Variants in SYMPK observed in about 807,000 individuals in gnomAD.
The protein encoded by SYMPK is symplekin.
A neutral mutation model predicts 136.4 loss-of-function variants in SYMPK; 49 were observed. That is an observed-to-expected ratio of 0.36 (90% confidence interval 0.29 to 0.46). SYMPK has a LOEUF of 0.46. Ranked by LOEUF, SYMPK falls within the 20% of genes least tolerant of loss-of-function variation. The pLI is 1.00. For synonymous variants in SYMPK, 766 were observed against 713.0 expected (o/e 1.07, Z -1.19); for missense variants, 1,365 against 1,690.0 (o/e 0.81, Z 3.37).
At chr19:45,841,604 T>G (rs1384657445) in intron 9 of SYMPK, among the ~76,000 whole-genome samples, 1 of 152,128 alleles carries the variant, frequency 6.6e-6, no homozygotes, top group Non-Finnish European at 1.5e-5. Flanking sequence ...AATTCCTTAT[T>G]TTTTAAAATG....
At chr19:45,852,413 A>G in intron 4 of SYMPK, 28 bp from the exon 5 acceptor site, 1 of 1,613,944 alleles carries the variant, frequency 6.2e-7, no homozygotes, top group Non-Finnish European at 8.5e-7. Context: ...AAAGTGGATC[A>G]GGGCTACACA....
rs763937545 is a variant in SYMPK, at chr19:45,815,835, A to T, written c.3687+16T>A. The T allele has an allele frequency of 8.7e-6, 14 of 1,609,626 alleles. No individual in the cohort carries two copies. The highest frequency in any genetic ancestry group is 1.2e-5 in the Non-Finnish European group (14 of 1,178,634). Reference sequence around the variant, plus strand: ...GATCCGGCTTCTTCCTTCGCAGCGGAGGCTGCTCTCCCTACCTTGGGTAGG... The same window carrying T: ...GATCCGGCTTCTTCCTTCGCAGCGGTGGCTGCTCTCCCTACCTTGGGTAGG... On this transcript the variant is annotated intron_variant, in intron 26 of 26. Coordinates refer to ENST00000245934, the MANE Select transcript of SYMPK (RefSeq NM_004819.3).
chr19:45,839,237 C>T (rs1971379626), intron 9 of SYMPK, among the ~76,000 whole-genome samples: 1 of 152,100 alleles, frequency 6.6e-6, no homozygotes, highest in African/African-American at 2.4e-5. Context: ...CAAGAATGTA[C>T]ACTCGGTACC....
intron 14 of SYMPK, 82 bp from the exon 15 acceptor site, chr19:45,828,000 G>C: frequency 7.8e-7 from 1 of 1,289,170 alleles, no homozygotes; most frequent in Non-Finnish European, 1.1e-6. Context: ...TAGGAGCTCA[G>C]GGCCAGCAGG....
chr19:45,862,533 A>AAG (rs1173186413), intron 1 of SYMPK: 1 of 152,508 alleles, frequency 6.6e-6, no homozygotes, highest in Non-Finnish European at 1.5e-5. Context: ...GCACACAGAT[A>AAG]AGAGTCGGAT....
chr19:45,822,364 C>T (rs573339674), intron 21 of SYMPK, among the ~76,000 whole-genome samples: 100 of 152,114 alleles, frequency 6.6e-4, no homozygotes, highest in Non-Finnish European at 1.3e-3. Context: ...GTGATCCGCC[C>T]GCCTCGCCTC....
At chr19:45,817,119 C>G in intron 23 of SYMPK, 145 bp from the exon 24 acceptor site, 1 of 789,662 alleles carries the variant, frequency 1.3e-6, no homozygotes, top group Non-Finnish European at 1.9e-6. Flanking sequence ...GCCCCGACCT[C>G]CCTCCAGAGG....
At chr19:45,832,739 G>A (rs1227851989) in intron 11 of SYMPK, among the ~76,000 whole-genome samples, 1 of 151,806 alleles carries the variant, frequency 6.6e-6, no homozygotes, top group African/African-American at 2.4e-5. Context: ...GCTGGGCGTG[G>A]TGGCTCACAC....
Position 45,821,324 on chromosome 19 carries a change from T to C in SYMPK, c.2893+60A>G, listed in dbSNP as rs1365014226. On this transcript the variant is annotated intron_variant, in intron 22 of 26. Transcript: ENST00000245934. This position sits in a 1 kb window ranked among gnomAD's most constrained non-coding sequence, Gnocchi z 4.4. ...ATTCCAGTGGGGGCATGTGGGTGAC[T>C]GAGGTCCTGCCCTGGCGTCGCAGGG... The C allele has an allele frequency of 1.6e-6, 2 of 1,280,506 alleles. No homozygotes were observed. The highest frequency in any genetic ancestry group is 2.3e-6 in the Non-Finnish European group (2 of 879,688). 79.3% of individuals were successfully genotyped at this position (1,280,506 alleles called of 1,614,324 possible). A position where few individuals can be genotyped will look rare whatever the true frequency, so the allele number is the denominator to read the frequency against.
chr19:45,818,197 G>A (rs1490406279), intron 22 of SYMPK, 51 bp from the exon 23 acceptor site: 63 of 1,477,338 alleles, frequency 4.3e-5, no homozygotes, highest in Non-Finnish European at 5.3e-5. Flanking sequence ...CTGCCCCCTG[G>A]GAGGTGGGAG....
In SYMPK at chr19:45,823,387, G is replaced by A; in HGVS notation, c.2685C>T (p.Leu895=). 1.9e-6 allele frequency: 3 copies of A among 1,614,016 alleles called. No homozygotes were observed. The highest frequency in any genetic ancestry group is 2.5e-6 in the Non-Finnish European group (3 of 1,180,014). The change falls in exon 20 of 27, where the codon CTC becomes CTT. Residue 895 remains leucine, a synonymous_variant. Coordinates refer to ENST00000245934, the MANE Select transcript of SYMPK (RefSeq NM_004819.3). ...AGCTCCATACCTTCTCCAGCCCATT[G>A]AGCACCGGGATGAGGAAGCGGACGT... ...LPDVRFLIPV[L]NGLEKKEVIQ...
Position 45,821,337 on chromosome 19 carries a change from TG to T in SYMPK, c.2893+46del. The T allele has an allele frequency of 6.9e-7, 1 of 1,439,264 alleles. No homozygotes were observed. 89.2% of individuals were successfully genotyped at this position (1,439,264 alleles called of 1,614,324 possible). ...CATGTGGGTGACTGAGGTCCTGCCC[TG>T]GCGTCGCAGGGGCCAGGCCACTGGA... On this transcript the variant is annotated intron_variant, in intron 22 of 26. Transcript: ENST00000245934. The surrounding 1 kb of genome is among the most constrained non-coding windows in gnomAD (Gnocchi z 4.4).
At chr19:45,858,091 G>A (rs568521256) in intron 1 of SYMPK, among the ~76,000 whole-genome samples, 5 of 152,050 alleles carry the variant, frequency 3.3e-5, no homozygotes, top group South Asian at 2.1e-4. Flanking sequence ...GAGCCACAGC[G>A]CCCAGCCGAA....
intron 23 of SYMPK, 135 bp from the exon 24 acceptor site, chr19:45,817,109 G>A: frequency 1.1e-6 from 1 of 882,668 alleles, no homozygotes; most frequent in South Asian, 1.8e-5. Flanking sequence ...GCAACAAGCA[G>A]CCCCGACCTC....
At position 45,847,755 on chromosome 19, in the gene SYMPK, A is replaced by G. The variant is rs202218775; in HGVS notation, c.673T>C (p.Tyr225His). 5.6e-6 allele frequency: 9 copies of G among 1,613,124 alleles called. No individual in the cohort carries two copies. The African/African-American group carries it at 1.2e-4, about 22-fold the overall frequency. Residue 225 changes from tyrosine (Y) to histidine (H), a missense_variant, in exon 7 of 27, where the codon TAC (tyrosine) becomes CAC (histidine). Tyr to His is a moderately conservative substitution (Grantham distance 83). Coordinates refer to ENST00000245934, the MANE Select transcript of SYMPK (RefSeq NM_004819.3). ...GGCAGCTGAAGGCAGTACTCACTGTACTGGATGTAGGGGTGGTCACGAGGG... is the reference window on the plus strand; with the variant it reads ...GGCAGCTGAAGGCAGTACTCACTGTGCTGGATGTAGGGGTGGTCACGAGGG... ...RIPRDHPYIQ[Y>H]NVLWEEGKAA...
At position 45,838,496 on chromosome 19, in the gene SYMPK, G is replaced by T; in HGVS notation, c.1207C>A (p.Gln403Lys). Residue 403 changes from glutamine (Q) to lysine (K), a missense_variant, in exon 10 of 27, where the codon CAG becomes AAG. Coordinates refer to ENST00000245934, the MANE Select transcript of SYMPK (RefSeq NM_004819.3). ...SDTDITAEFL[Q>K]PLLTPDNVAN... ...ACATTATCAGGCGTCAGCAGAGGCT[G>T]CAGGAACTCAGCTGTGATGTCCGTG... 6.2e-7 allele frequency: 1 copy of T among 1,614,052 alleles called. No individual in the cohort carries two copies. The highest frequency in any genetic ancestry group is 8.5e-7 in the Non-Finnish European group (1 of 1,179,950).
chr19:45,841,759 T>A (rs1162261947), intron 9 of SYMPK, among the ~76,000 whole-genome samples: 2 of 152,058 alleles, frequency 1.3e-5, no homozygotes, highest in East Asian at 3.8e-4. Flanking sequence ...ATCTGATAAC[T>A]AAAACAAAGG....
At chr19:45,833,411 C>T (rs185339788) in intron 11 of SYMPK, among the ~76,000 whole-genome samples, 1 of 152,024 alleles carries the variant, frequency 6.6e-6, no homozygotes, top group Non-Finnish European at 1.5e-5. Context: ...ACCAACCTGG[C>T]TAACACGGTG....
chr19:45,818,062 G>C lies in SYMPK; in HGVS notation c.2978C>G (p.Pro993Arg). ...VVMQQLMEQS[P>R]LPMLLMRTVI... is the part of the protein sequence containing the mutation. ...GGTCCTCATGAGCAGCATGGGCAGG[G>C]GGCTCTGCTCCATCAGCTGCTGCAT... The change falls in exon 23 of 27, where the codon CCC becomes CGC. Residue 993 changes from proline (P) to arginine (R), a missense_variant. Around this residue, in one of 11 missense-constraint regions of SYMPK, gnomAD observed 156 missense variants for 217.8 expected, o/e 0.72. Coordinates refer to ENST00000245934, the MANE Select transcript of SYMPK (RefSeq NM_004819.3). The C allele has an allele frequency of 6.4e-7, 1 of 1,565,206 alleles. No individual in the cohort carries two copies. The highest frequency in any genetic ancestry group is 8.7e-7 in the Non-Finnish European group (1 of 1,154,924).
Sources: allele counts gnomAD v4.1 joint callset (sites outside exome capture counted in the v4.1 genomes callset), GRCh38; gene constraint gnomAD v4.1.1; regional missense constraint gnomAD v4.1.1; non-coding constraint Gnocchi (gnomAD v3.1); transcripts MANE v1.5; gene names NCBI Gene and HGNC (gene_info 2026-07-23, HGNC 2026-07-21).